The following DNAH3 variants were observed in gnomAD, a reference collection of about 807,000 sequenced individuals.
The protein encoded by DNAH3 is dynein axonemal heavy chain 3, also known as axonemal beta dynein heavy chain 3.
In DNAH3, 332 loss-of-function variants were observed where a neutral mutation model predicts 432.5. The observed-to-expected ratio is 0.77, with a 90% CI of 0.70 to 0.84. The LOEUF (loss-of-function observed/expected upper bound fraction) is 0.84. Among genes scored for constraint, DNAH3 ranks in the 40% least tolerant of loss-of-function variants. The pLI is 0.00. For synonymous variants in DNAH3, 1,956 were observed against 1,900.2 expected (o/e 1.03, Z -0.76); for missense variants, 4,861 against 5,114.0 (o/e 0.95, Z 1.51).
rs140269277 is a variant in DNAH3 at position 21,134,195 on chromosome 16, A to G, written c.1082+64T>C. ...CTACCCCCACTGTGCACAGCAGAAT[A>G]GGCTTGCTTACACGTGGATGTGGTC... On this transcript the variant is annotated intron_variant, in intron 7 of 61. Coordinates refer to ENST00000261383, the Ensembl canonical transcript of DNAH3. 2,157 of 1,512,352 alleles carry G rather than the reference A, an allele frequency of 1.4e-3. 3 individuals carry two copies. Among genetic ancestry groups the G allele is most frequent in the Admixed American group, 1.8e-3 (94 of 52,080 alleles). The allele number at this position is 1,512,352 out of a possible 1,614,324, so 93.7% of individuals were successfully genotyped here. A position where few individuals can be genotyped will look rare whatever the true frequency, so the allele number is the denominator to read the frequency against.
At position 20,935,339 on chromosome 16, in the gene DNAH3, C is replaced by T. The variant is rs1257832526; in HGVS notation, c.11997+9G>A. 2 of 1,613,788 alleles carry T rather than the reference C, an allele frequency of 1.2e-6. No individual in the cohort carries two copies. Among genetic ancestry groups the T allele is most frequent in the South Asian group, 1.1e-5 (1 of 91,026 alleles). On this transcript the variant is annotated intron_variant, in intron 61 of 61. Coordinates refer to ENST00000261383, the Ensembl canonical transcript of DNAH3. ...CCCCTTGAGTGAGCCTAACCCAAAG[C>T]ACCCCTACCTCAAACTCAAATCCAA...
intron 36 of DNAH3, 62 bp downstream of exon 36, chr16:21,033,912 T>G: frequency 8.2e-7 from 1 of 1,213,786 alleles, no homozygotes; most frequent in Non-Finnish European, 1.2e-6. Context: ...ATTATCTCCA[T>G]GGAGCCAGCC....
intron 56 of DNAH3, among the ~76,000 whole-genome samples, chr16:20,950,406 C>A (rs1056113174): frequency 6.6e-6 from 1 of 152,216 alleles, no homozygotes; most frequent in Admixed American, 6.5e-5. Flanking sequence ...GCCTCCACTA[C>A]TATAACTGCC....
intron 59 of DNAH3, among the ~76,000 whole-genome samples, chr16:20,938,222 T>C (rs1308462578): frequency 2.0e-5 from 3 of 152,048 alleles, no homozygotes; most frequent in Non-Finnish European, 4.4e-5. Context: ...TTAAACCCCG[T>C]CTGTACTAAA....
At chr16:21,107,559 GAAC>G (rs1012573601) in intron 14 of DNAH3, among the ~76,000 whole-genome samples, 4 of 151,950 alleles carry the variant, frequency 2.6e-5, no homozygotes, top group Non-Finnish European at 5.9e-5. Context: ...GCTTTTAACA[GAAC>G]AACAGTAAGT....
Position 21,131,695 on chromosome 16 carries a change from C to CA in DNAH3, c.1082+2563dup, listed in dbSNP as rs954211708. ...AGAAACCCTGTCTCTACTAAAAATACAAAAAAAAATTAGCCAGGCATGGTG... is the reference window on the plus strand; with the variant it reads ...AGAAACCCTGTCTCTACTAAAAATACAAAAAAAAAATTAGCCAGGCATGGTG... On this transcript the variant is annotated intron_variant, in intron 7 of 61. Coordinates refer to ENST00000261383, the Ensembl canonical transcript of DNAH3. Among the ~76,000 whole-genome samples, 21 of 149,862 alleles carry CA rather than the reference C, an allele frequency of 1.4e-4. No homozygotes were observed. The East Asian group carries it at 1.8e-3, about 13-fold the overall frequency.
At chr16:21,125,323 C>A in exon 9 of DNAH3, 1 of 1,612,836 alleles carries the variant, frequency 6.2e-7, no homozygotes, top group Non-Finnish European at 8.5e-7. Context: ...AAAATGAATC[C>A]AGTGCTCCTT....
At chr16:21,053,822 T>G (rs2090040282) in intron 28 of DNAH3, among the ~76,000 whole-genome samples, 1 of 151,588 alleles carries the variant, frequency 6.6e-6, no homozygotes, top group African/African-American at 2.4e-5. Flanking sequence ...AAGACCCCAG[T>G]TTTTCCTCCT....
chr16:20,999,043 G>A (rs893785186), intron 43 of DNAH3, among the ~76,000 whole-genome samples: 4 of 152,140 alleles, frequency 2.6e-5, no homozygotes, highest in African/African-American at 7.2e-5. Flanking sequence ...GATCACTTGA[G>A]GCCAGGAGTT....
chr16:21,067,668 T>C (rs1335769469), intron 23 of DNAH3, among the ~76,000 whole-genome samples: 1 of 150,500 alleles, frequency 6.6e-6, no homozygotes, highest in African/African-American at 2.4e-5. Context: ...CCAAGGAGTT[T>C]AGAATCCAAA....
intron 55 of DNAH3, among the ~76,000 whole-genome samples, chr16:20,954,053 C>T (rs561682782): frequency 1.3e-5 from 2 of 151,714 alleles, no homozygotes; most frequent in Non-Finnish European, 2.9e-5. Flanking sequence ...GGTGAAACCC[C>T]ATCTCTACTA....
At position 20,988,477 on chromosome 16, in the gene DNAH3, C is replaced by T. The variant is rs183377923; in HGVS notation, c.6602-412G>A. ...TTGCCCAGGCTGGAGTGCAGTGGTG[C>T]CATCTCAGTTCACTGCAACCTCCGC... On this transcript the variant is annotated intron_variant, in intron 44 of 61. Coordinates refer to ENST00000261383, the Ensembl canonical transcript of DNAH3. 7.2e-5 allele frequency among the ~76,000 whole-genome samples: 11 copies of T among 152,242 alleles called. No homozygotes were observed. In the East Asian group the frequency reaches 1.9e-3, roughly 27 times the overall value.
At chr16:20,985,519 A>G in exon 48 of DNAH3, 4 of 1,614,218 alleles carry the variant, frequency 2.5e-6, no homozygotes, top group South Asian at 1.1e-5. Flanking sequence ...AAACCTGAAC[A>G]TGACCAGGGA....
At chr16:20,983,781 G>A (rs574941513) in intron 48 of DNAH3, among the ~76,000 whole-genome samples, 2 of 152,216 alleles carry the variant, frequency 1.3e-5, no homozygotes, top group South Asian at 4.1e-4. Context: ...GGGAGGCCAA[G>A]GCAGGAGGAT....
At chr16:20,963,856 T>C (rs1567537694) in exon 53 of DNAH3, 1 of 1,614,078 alleles carries the variant, frequency 6.2e-7, no homozygotes, top group African/African-American at 1.3e-5. Flanking sequence ...GATGCGCAGA[T>C]TCAGTTCCTC....
chr16:21,011,649 C>A (rs1413426325), intron 41 of DNAH3, among the ~76,000 whole-genome samples: 12 of 151,988 alleles, frequency 7.9e-5, no homozygotes, highest in Non-Finnish European at 1.8e-4. Flanking sequence ...GGGCGAGCCA[C>A]CGTGCCAGGC....
intron 37 of DNAH3, among the ~76,000 whole-genome samples, chr16:21,027,939 TA>T (rs1228302944): frequency 6.6e-6 from 1 of 152,240 alleles, no homozygotes; most frequent in East Asian, 1.9e-4. Flanking sequence ...CCGCATGGAC[TA>T]ATCCATAGCA....
At chr16:21,051,113 A>T (rs1237717631) in intron 29 of DNAH3, among the ~76,000 whole-genome samples, 1 of 152,234 alleles carries the variant, frequency 6.6e-6, no homozygotes, top group Non-Finnish European at 1.5e-5. Flanking sequence ...AATACTCCCA[A>T]GTATTAGTTT....
intron 18 of DNAH3, among the ~76,000 whole-genome samples, chr16:21,087,287 C>A (rs951777282): frequency 3.3e-5 from 5 of 152,106 alleles, no homozygotes; most frequent in East Asian, 1.9e-4. Flanking sequence ...TAATGGATAC[C>A]CTGGAAGGTG....
Sources: gnomAD v4.1 joint callset for allele counts (sites outside exome capture counted in the v4.1 genomes callset) on GRCh38, gnomAD v4.1.1 for gene constraint, MANE v1.5 for transcripts, NCBI Gene and HGNC (gene_info 2026-07-23, HGNC 2026-07-21) for gene names.